Variants in COL23A1 observed in about 807,000 individuals in gnomAD.
The protein encoded by COL23A1 is collagen type XXIII alpha 1 chain, also known as collagen alpha-1(XXIII) chain.
A neutral mutation model predicts 99.3 loss-of-function variants in COL23A1; 97 were observed. That is an observed-to-expected ratio of 0.98 (90% confidence interval 0.83 to 1.16). The LOEUF (loss-of-function observed/expected upper bound fraction) is 1.16. Ranked by LOEUF, COL23A1 falls within the 50% of genes most tolerant of loss-of-function variation. The pLI is 0.00. For synonymous variants in COL23A1, 320 were observed against 308.2 expected, an observed-to-expected ratio of 1.04 and a Z score of -0.40; for missense variants, 762 against 757.4, an observed-to-expected ratio of 1.01 and a Z score of -0.07.
At chr5:178,536,200 G>C (rs1581587584) in intron 2 of COL23A1, among the ~76,000 whole-genome samples, 1 of 152,232 alleles carries the variant, frequency 6.6e-6, no homozygotes, top group South Asian at 2.1e-4. Flanking sequence ...CTCGGCTGGG[G>C]ACGCGGCTCA....
At chr5:178,405,940 T>C (rs1408214199) in intron 2 of COL23A1, among the ~76,000 whole-genome samples, 5 of 152,086 alleles carry the variant, frequency 3.3e-5, no homozygotes, top group Admixed American at 2.6e-4. Context: ...TCATCTCTAC[T>C]GAAAATACAA....
intron 2 of COL23A1, among the ~76,000 whole-genome samples, chr5:178,321,551 A>G (rs1208104577): frequency 3.8e-5 from 5 of 131,608 alleles, no homozygotes; most frequent in African/African-American, 1.2e-4. Context: ...GTGCAGTGGC[A>G]CGATCTCGGC....
At chr5:178,547,678 A>C (rs1048038542) in intron 2 of COL23A1, among the ~76,000 whole-genome samples, 37 of 4,228 alleles carry the variant, frequency 8.8e-3, no homozygotes, top group Admixed American at 0.014. Flanking sequence ...CCACACACCC[A>C]CCCCCCACAC....
intron 2 of COL23A1, among the ~76,000 whole-genome samples, chr5:178,414,697 G>A (rs985573889): frequency 1.1e-4 from 16 of 152,166 alleles, no homozygotes; most frequent in South Asian, 4.1e-4. Context: ...ACTTGAACCC[G>A]GGAGGCGGAG....
chr5:178,333,709 A>G (rs533010016), intron 2 of COL23A1, among the ~76,000 whole-genome samples: 1 of 152,104 alleles, frequency 6.6e-6, no homozygotes, highest in African/African-American at 2.4e-5. Context: ...GCCTGGGAGG[A>G]CGTCCATCTG....
At chr5:178,569,140 A>C (rs576430088) in intron 1 of COL23A1, among the ~76,000 whole-genome samples, 6 of 152,340 alleles carry the variant, frequency 3.9e-5, no homozygotes, top group Non-Finnish European at 7.3e-5. Context: ...CATTTCCCTA[A>C]TGACAAATGA....
At chr5:178,358,513 ATGTGTGTATGTATGTCTAG>A (rs1761957199) in intron 2 of COL23A1, among the ~76,000 whole-genome samples, 1 of 128,756 alleles carries the variant, frequency 7.8e-6, no homozygotes, top group South Asian at 2.6e-4. Flanking sequence ...ATATGTGTGT[ATGTGTGTATGTATGTCTAG>A]TGTGTGTATG....
intron 1 of COL23A1, among the ~76,000 whole-genome samples, chr5:178,587,318 A>G (rs1488215369): frequency 1.3e-5 from 2 of 152,214 alleles, no homozygotes; most frequent in Non-Finnish European, 2.9e-5. Context: ...TCATGAGTTG[A>G]CATGAATATT....
intron 2 of COL23A1, among the ~76,000 whole-genome samples, chr5:178,545,312 A>AG (rs1761522200): frequency 6.6e-6 from 1 of 152,084 alleles, no homozygotes; most frequent in South Asian, 2.1e-4. Context: ...CTGGCCCAAC[A>AG]GGGGGCTCAG....
chr5:178,431,116 G>A (rs754921487), intron 2 of COL23A1, among the ~76,000 whole-genome samples: 12 of 152,164 alleles, frequency 7.9e-5, no homozygotes, highest in Non-Finnish European at 1.6e-4. Flanking sequence ...GCCAGCTTAT[G>A]GGATGGCAAG....
At chr5:178,242,493 T>C in intron 25 of COL23A1, 99 bp from the exon 26 acceptor site, 1 of 1,213,422 alleles carries the variant, frequency 8.2e-7, no homozygotes, top group East Asian at 2.4e-5. Context: ...CACGCCCACT[T>C]TCCCCCCTGC....
intron 2 of COL23A1, among the ~76,000 whole-genome samples, chr5:178,463,816 G>A (rs1407390572): frequency 4.6e-5 from 7 of 152,188 alleles, no homozygotes; most frequent in South Asian, 2.1e-4. Context: ...TTGTGGCTGC[G>A]GACACTGTGC....
At chr5:178,460,959 T>A (rs1321536007) in intron 2 of COL23A1, among the ~76,000 whole-genome samples, 4 of 152,142 alleles carry the variant, frequency 2.6e-5, no homozygotes, top group Admixed American at 2.0e-4. Flanking sequence ...CCATTTTTTT[T>A]AAACGTAAAG....
At chr5:178,550,913 C>G (rs1317206354) in intron 2 of COL23A1, among the ~76,000 whole-genome samples, 2 of 152,034 alleles carry the variant, frequency 1.3e-5, no homozygotes, top group African/African-American at 4.8e-5. Context: ...AGTACTGGGT[C>G]AGTGGCAAAT....
intron 2 of COL23A1, among the ~76,000 whole-genome samples, chr5:178,505,366 C>T (rs1444887229): frequency 6.6e-6 from 1 of 152,140 alleles, no homozygotes; most frequent in Non-Finnish European, 1.5e-5. Flanking sequence ...TCTCCTGCCT[C>T]AGCCTTCTGA....
At chr5:178,452,610 T>C (rs1358688475) in intron 2 of COL23A1, among the ~76,000 whole-genome samples, 2 of 152,208 alleles carry the variant, frequency 1.3e-5, no homozygotes, top group East Asian at 3.8e-4. Flanking sequence ...ATTTCTGTAA[T>C]ACATAAGGAG....
At chr5:178,342,333 T>G (rs924044592) in intron 2 of COL23A1, among the ~76,000 whole-genome samples, 1 of 152,192 alleles carries the variant, frequency 6.6e-6, no homozygotes, top group Non-Finnish European at 1.5e-5. Context: ...CTGGCATCCT[T>G]TTTCTCAGGC....
In COL23A1 at chr5:178,308,081, GTT is replaced by G. The variant is rs59493116; in HGVS notation, c.362-1164_362-1163del. Among the ~76,000 whole-genome samples, 3,966 of 152,136 alleles carry G rather than the reference GTT, an allele frequency of 0.026. 162 individuals are homozygous for G. The highest frequency in any genetic ancestry group is 0.091 in the African/African-American group (3,759 of 41,480). On this transcript the variant is annotated intron_variant, in intron 2 of 28. Coordinates refer to ENST00000390654, the MANE Select transcript of COL23A1 (RefSeq NM_173465.4). The surrounding 1 kb of genome is among the most constrained non-coding windows in gnomAD (Gnocchi z 5.1). The stretch of plus-strand genomic sequence containing the variant: ...TGTTTGTGTGCATGTGTGTGTCTGT[GTT>G]TTTGTGTCTGTGTTTCTGTGTGTGT...
Position 178,308,993 on chromosome 5 carries a change from G to A in COL23A1, c.362-2074C>T, listed in dbSNP as rs543131408. Among the ~76,000 whole-genome samples, 2 of 152,184 alleles carry A rather than the reference G, an allele frequency of 1.3e-5. No individual in the cohort carries two copies. The highest frequency in any genetic ancestry group is 4.8e-5 in the African/African-American group (2 of 41,448). On this transcript the variant is annotated intron_variant, in intron 2 of 28. Transcript: ENST00000390654. The surrounding 1 kb of genome is among the most constrained non-coding windows in gnomAD (Gnocchi z 5.1). ...TCTTGCCAGGCCTCAGGTTGTGCTC[G>A]GCCCAGCGAAGCAGTAGGCCCCGGG...
Sources: allele counts gnomAD v4.1 joint callset (sites outside exome capture counted in the v4.1 genomes callset), GRCh38; gene constraint gnomAD v4.1.1; non-coding constraint Gnocchi (gnomAD v3.1); transcripts MANE v1.5; gene names NCBI Gene and HGNC (gene_info 2026-07-23, HGNC 2026-07-21).